Variants in PPHLN1 observed in about 807,000 individuals in gnomAD.
The protein encoded by PPHLN1 is periphilin 1, also known as periphilin-1.
A neutral mutation model predicts 51.3 loss-of-function variants in PPHLN1; 29 were observed. That is an observed-to-expected ratio of 0.57 (90% CI 0.42 to 0.77). The LOEUF is 0.77. PPHLN1 is among the 30% of genes least tolerant of loss of function. The pLI is 0.00. For synonymous variants in PPHLN1, 147 were observed against 147.8 expected (o/e 0.99, Z 0.04); for missense variants, 436 against 438.4 (o/e 0.99, Z 0.05).
At chr12:42,416,553 T>A in intron 9 of PPHLN1, among the ~76,000 whole-genome samples, 1 of 152,354 alleles carries the variant, frequency 6.6e-6, no homozygotes, top group Non-Finnish European at 1.5e-5. Context: ...TCCATGACCC[T>A]GTAAGATTCA....
intron 1 of PPHLN1, chr12:42,332,618 T>C (rs2069929172): frequency 1.4e-6 from 2 of 1,438,182 alleles, no homozygotes; most frequent in African/African-American, 2.8e-5. Context: ...GGTTGGTTTA[T>C]ACAGACACAA....
At chr12:42,347,291 C>T (rs2072495543) in intron 2 of PPHLN1, 1 of 152,068 alleles carries the variant, frequency 6.6e-6, no homozygotes, top group Non-Finnish European at 1.5e-5. Context: ...GACTTTTTGC[C>T]AATATCTTTC....
chr12:42,338,604 C>T (rs1398762943), intron 2 of PPHLN1, among the ~76,000 whole-genome samples: 6 of 152,090 alleles, frequency 3.9e-5, no homozygotes, highest in African/African-American at 1.4e-4. Context: ...CAAGATGGAA[C>T]AGTTTTGAGT....
chr12:42,437,873 C>T (rs1412655738), intron 9 of PPHLN1, among the ~76,000 whole-genome samples: 1 of 152,178 alleles, frequency 6.6e-6, no homozygotes, highest in African/African-American at 2.4e-5. Context: ...AACTTATGAT[C>T]TCTTTAGTGT....
intron 9 of PPHLN1, among the ~76,000 whole-genome samples, chr12:42,419,526 G>T (rs544664060): frequency 3.9e-5 from 6 of 152,274 alleles, no homozygotes; most frequent in South Asian, 2.1e-4. Context: ...GAGCCACCAC[G>T]CCTGGCCTTT....
intron 1 of PPHLN1, among the ~76,000 whole-genome samples, chr12:42,334,893 C>A (rs563279806): frequency 1.7e-4 from 26 of 152,326 alleles, no homozygotes; most frequent in African/African-American, 6.0e-4. Context: ...AGTTTACACA[C>A]TTATACATTT....
chr12:42,338,712 G>A (rs1002241836), intron 2 of PPHLN1, among the ~76,000 whole-genome samples: 2 of 152,180 alleles, frequency 1.3e-5, no homozygotes, highest in Admixed American at 6.5e-5. Context: ...TTGTGATTTA[G>A]ATCAGAAGCT....
At chr12:42,388,969 T>A (rs1487901943) in intron 7 of PPHLN1, among the ~76,000 whole-genome samples, 53 of 152,034 alleles carry the variant, frequency 3.5e-4, no homozygotes, top group Non-Finnish European at 7.4e-5. Context: ...CCGGGCATGG[T>A]GGCTTACGCC....
At chr12:42,440,345 A>T (rs1228430382) in intron 9 of PPHLN1, among the ~76,000 whole-genome samples, 1 of 152,172 alleles carries the variant, frequency 6.6e-6, no homozygotes, top group Non-Finnish European at 1.5e-5. Context: ...GCATCCTGCA[A>T]CCATGCTATA....
chr12:42,358,833 A>C (rs1160728949), intron 4 of PPHLN1, among the ~76,000 whole-genome samples: 1 of 152,094 alleles, frequency 6.6e-6, no homozygotes, highest in Non-Finnish European at 1.5e-5. Flanking sequence ...TTTTCATGAA[A>C]TAGTACTTTA....
chr12:42,360,455 ATTCTTTTTTTTT>A (rs1565821252), intron 4 of PPHLN1, among the ~76,000 whole-genome samples: 1 of 111,810 alleles, frequency 8.9e-6, no homozygotes, highest in African/African-American at 3.8e-5. Context: ...GTGATGCTGA[ATTCTTTTTTTTT>A]TTTTTTTTTT....
intron 9 of PPHLN1, among the ~76,000 whole-genome samples, chr12:42,439,838 A>G (rs1472497908): frequency 6.6e-6 from 1 of 152,062 alleles, no homozygotes; most frequent in Non-Finnish European, 1.5e-5. Flanking sequence ...TTGAAATTGG[A>G]TAGTGTCAGT....
intron 5 of PPHLN1, among the ~76,000 whole-genome samples, chr12:42,377,329 C>T (rs1431048971): frequency 5.3e-5 from 7 of 132,084 alleles, no homozygotes; most frequent in Admixed American, 3.4e-4. Flanking sequence ...TTGTCTGAGA[C>T]GGAGTCTTGC....
chr12:42,405,755 T>A (rs2079233351), intron 9 of PPHLN1, among the ~76,000 whole-genome samples: 1 of 152,194 alleles, frequency 6.6e-6, no homozygotes, highest in African/African-American at 2.4e-5. Context: ...CCTCAATTAC[T>A]GGAACTTGGG....
intron 9 of PPHLN1, chr12:42,431,632 T>C (rs191258730): frequency 2.4e-6 from 2 of 849,788 alleles, no homozygotes; most frequent in Non-Finnish European, 3.9e-6. Context: ...GTAAATGTAA[T>C]GTAAAAGAAC....
At chr12:42,350,371 G>A (rs1405374654) in intron 2 of PPHLN1, 1 of 159,496 alleles carries the variant, frequency 6.3e-6, no homozygotes. Context: ...CAGACTGGGC[G>A]GCCAGGCAGA....
intron 9 of PPHLN1, among the ~76,000 whole-genome samples, chr12:42,400,743 G>T (rs2078744612): frequency 6.6e-6 from 1 of 151,696 alleles, no homozygotes. Flanking sequence ...AATAACAGGG[G>T]AGAGCGAGAC....
intron 9 of PPHLN1, among the ~76,000 whole-genome samples, chr12:42,408,879 A>C (rs1002941294): frequency 2.0e-5 from 3 of 152,192 alleles, no homozygotes; most frequent in Admixed American, 1.3e-4. Flanking sequence ...TGTATTGTAA[A>C]TTACAGTAGT....
chr12:42,413,065 GA>G (rs1369645158), intron 9 of PPHLN1, among the ~76,000 whole-genome samples: 3 of 152,012 alleles, frequency 2.0e-5, no homozygotes, highest in Non-Finnish European at 2.9e-5. Flanking sequence ...CCCTTTCTGT[GA>G]GTTGTTTCCT....
Sources: allele counts gnomAD v4.1 joint callset (sites outside exome capture counted in the v4.1 genomes callset), GRCh38; gene constraint gnomAD v4.1.1; transcripts MANE v1.5; gene names NCBI Gene and HGNC (gene_info 2026-07-23, HGNC 2026-07-21).